The following POPDC2 variants were observed in gnomAD, a reference collection of about 807,000 sequenced individuals.
POPDC2 encodes popeye domain cAMP effector 2, also known as popeye domain-containing protein 2.
A neutral mutation model predicts 30.5 loss-of-function variants in POPDC2; 24 were observed. That is an observed-to-expected ratio of 0.79 (90% CI 0.57 to 1.11). The LOEUF (loss-of-function observed/expected upper bound fraction) is 1.11. Among genes scored for constraint, POPDC2 ranks in the 50% least tolerant of loss-of-function variants. POPDC2 has a pLI of 0.00. For missense variants in POPDC2, 409 were observed against 447.0 expected (o/e 0.91, Z 0.77); for synonymous variants, 185 against 183.3 (o/e 1.01, Z -0.07).
In POPDC2 at chr3:119,657,569, G is replaced by A. The variant is rs181489861; in HGVS notation, c.491+2364C>T. On this transcript the variant is annotated intron_variant, in intron 1 of 3. Transcript: ENST00000493094. ...CAAACTCACTTGTGTCACCATAAAA[G>A]GGGATCAAAACCTCACTGAAAAGCT... Among the ~76,000 whole-genome samples, 109 of 152,306 alleles carry A rather than the reference G, an allele frequency of 7.2e-4. 2 individuals carry two copies. The highest frequency in any genetic ancestry group is 7.0e-3 in the Admixed American group (107 of 15,298).
In POPDC2 at chr3:119,660,563, C is replaced by T. The variant is rs1430053828; in HGVS notation, c.-140G>A. 1.0e-6 allele frequency: 1 copy of T among 970,406 alleles called. No homozygotes were observed. The highest frequency in any genetic ancestry group is 1.5e-6 in the Non-Finnish European group (1 of 675,374). 60.1% of individuals were successfully genotyped at this position (970,406 alleles called of 1,614,324 possible). On this transcript the variant is annotated 5_prime_UTR_variant, in exon 1 of 4. Coordinates refer to ENST00000493094, the MANE Select transcript of POPDC2 (RefSeq NM_001369919.2). ...GACTCCACCTTTCCTAGAAGGAATG[C>T]TTCCGGTGGCTTTGGGAAGGAATGA...
Position 119,649,850 on chromosome 3 carries a change from C to T in POPDC2, c.601-1182G>A, listed in dbSNP as rs192200938. Among the ~76,000 whole-genome samples, 14 of 152,276 alleles carry T rather than the reference C, an allele frequency of 9.2e-5. No homozygotes were observed. The East Asian group carries it at 1.7e-3, about 19-fold the overall frequency. On this transcript the variant is annotated intron_variant, in intron 2 of 3. Coordinates refer to ENST00000493094, the MANE Select transcript of POPDC2 (RefSeq NM_001369919.2). Reference sequence around the variant, plus strand: ...TCCTTTCTGCTATACCCCTCCCCCACGTCCTTTATTCATTTCCTCCTCTCA... The same window carrying T: ...TCCTTTCTGCTATACCCCTCCCCCATGTCCTTTATTCATTTCCTCCTCTCA...
chr3:119,647,969 G>C (rs1163711770), intron 3 of POPDC2, 150 bp downstream of exon 3: 1 of 564,646 alleles, frequency 1.8e-6, no homozygotes, highest in African/African-American at 1.9e-5. Context: ...TGCACCCGGA[G>C]TGAGTTGCTA....
rs2052765187 is a variant in POPDC2 at position 119,648,115 on chromosome 3, TTACATAGGATCCTGAGCCGG to T, written c.*27_*43+3del. On this transcript the variant is annotated splice_donor_variant and splice_donor_region_variant and 3_prime_UTR_variant and intron_variant, in exon 3 of 4. Coordinates refer to ENST00000493094, the MANE Select transcript of POPDC2 (RefSeq NM_001369919.2). LOFTEE classifies it low-confidence loss of function (3UTR_SPLICE). ...TGTGCAGCGGCTGCCTTCTGAGTAC[TTACATAGGATCCTGAGCCGG>T]TGGCTGTGCCCATGTTAGTTCTCCC... The T allele has an allele frequency of 6.9e-7, 1 of 1,454,640 alleles. No individual in the cohort carries two copies. The allele number at this position is 1,454,640 out of a possible 1,614,324, so 90.1% of individuals were successfully genotyped here.
chr3:119,656,111 AT>A (rs921473762), intron 1 of POPDC2, among the ~76,000 whole-genome samples: 9 of 152,004 alleles, frequency 5.9e-5, no homozygotes, highest in African/African-American at 1.4e-4. Flanking sequence ...ACTAAAAAAA[AT>A]TTTTTTTTAT....
chr3:119,660,643 T>TCC, upstream of POPDC2: 1 of 290,462 alleles, frequency 3.4e-6, no homozygotes, highest in South Asian at 4.8e-5. Flanking sequence ...TCTCTCTCTC[T>TCC]CTCTCCCCCT....
chr3:119,651,172 A>G (rs1171011076), intron 2 of POPDC2, among the ~76,000 whole-genome samples: 12 of 151,986 alleles, frequency 7.9e-5, no homozygotes, highest in Admixed American at 7.9e-4. Context: ...CTTTCTGTGC[A>G]TCAAACACAC....
intron 2 of POPDC2, among the ~76,000 whole-genome samples, chr3:119,652,014 A>G (rs947623536): frequency 1.3e-5 from 2 of 152,088 alleles, no homozygotes; most frequent in Non-Finnish European, 2.9e-5. Context: ...TGGTTCTCCC[A>G]TATATATAGA....
intron 2 of POPDC2, among the ~76,000 whole-genome samples, chr3:119,649,131 A>G (rs2052782572): frequency 6.6e-6 from 1 of 152,188 alleles, no homozygotes; most frequent in Admixed American, 6.5e-5. Context: ...AAAGAGTTGG[A>G]AAGTTGAGTT....
Position 119,648,193 on chromosome 3 carries a change from T to C in POPDC2, c.1076A>G (p.Asp359Gly). The C allele has an allele frequency of 6.4e-7, 1 of 1,558,874 alleles. No individual in the cohort carries two copies. The highest frequency in any genetic ancestry group is 1.2e-5 in the South Asian group (1 of 84,882). The change falls in exon 3 of 4, where the codon GAT becomes GGT. Residue 359 changes from aspartate to glycine, a missense_variant. Transcript: ENST00000493094. ...EEVSGSESFM[D>G]YRSDGEYMR is the part of the protein sequence containing the mutation. ...CATGTACTCCCCATCACTCCTATAA[T>C]CCATAAACGATTCTGATCCTGACAC... is the stretch of plus-strand genomic sequence containing the variant.
At chr3:119,658,815 C>T (rs544616107) in intron 1 of POPDC2, among the ~76,000 whole-genome samples, 1 of 152,156 alleles carries the variant, frequency 6.6e-6, no homozygotes, top group South Asian at 2.1e-4. Flanking sequence ...TAAATGAATA[C>T]ACAAACACGT....
At position 119,660,286 on chromosome 3, in the gene POPDC2, C is replaced by T. The variant is rs934801479; in HGVS notation, c.138G>A (p.Gly46=). 5.0e-6 allele frequency: 8 copies of T among 1,614,030 alleles called. No homozygotes were observed. The African/African-American group carries it at 8.0e-5, about 16-fold the overall frequency. Reference sequence around the variant, plus strand: ...CAAAAAGATAGAAGCATCCATACACCCCACTGCCCCCCATGAAGCCCAGGA... The same window carrying T: ...CAAAAAGATAGAAGCATCCATACACTCCACTGCCCCCCATGAAGCCCAGGA... ...LLLLGFMGGS[G]VYGCFYLFGF... Residue 46 remains glycine, a synonymous_variant, in exon 1 of 4, where the codon GGG becomes GGA. Transcript: ENST00000493094.
At position 119,660,068 on chromosome 3, in the gene POPDC2, A is replaced by G; in HGVS notation, c.356T>C (p.Leu119Ser). 1 of 1,614,234 alleles carries G rather than the reference A, an allele frequency of 6.2e-7. No homozygotes were observed. Among genetic ancestry groups the G allele is most frequent in the Non-Finnish European group, 8.5e-7 (1 of 1,180,022 alleles). ...CTTGTATGTCTGTAGGGGCACCTGC[A>G]AGGGCAGGCACAGCGTCTTGTAGAG... The part of the protein sequence containing the change: ...DLLYKTLCLP[L>S]QVPLQTYKEI... Residue 119 changes from leucine (L) to serine (S), a missense_variant, in exon 1 of 4, where the codon TTG becomes TCG. Physicochemically the swap from Leu to Ser is moderately radical, Grantham distance 145 (BLOSUM62 -2). Coordinates refer to ENST00000493094, the MANE Select transcript of POPDC2 (RefSeq NM_001369919.2).
rs1323911512 is a variant in POPDC2 at position 119,660,283 on chromosome 3, C to T, written c.141G>A (p.Val47=). The T allele has an allele frequency of 3.1e-6, 5 of 1,614,206 alleles. No homozygotes were observed. The highest frequency in any genetic ancestry group is 3.4e-6 in the Non-Finnish European group (4 of 1,180,036). ...AGCCAAAAAGATAGAAGCATCCATA[C>T]ACCCCACTGCCCCCCATGAAGCCCA... ...LLLGFMGGSG[V]YGCFYLFGFL... Residue 47 remains valine, a synonymous_variant, in exon 1 of 4, where the codon GTG becomes GTA. Coordinates refer to ENST00000493094, the MANE Select transcript of POPDC2 (RefSeq NM_001369919.2).
At chr3:119,658,026 G>A (rs1264472399) in intron 1 of POPDC2, among the ~76,000 whole-genome samples, 1 of 152,206 alleles carries the variant, frequency 6.6e-6, no homozygotes, top group Non-Finnish European at 1.5e-5. Flanking sequence ...AGACTTCTGA[G>A]GTTTGAGTGA....
chr3:119,648,660 CAG>C lies in POPDC2; in HGVS notation c.607_608del (p.Leu203AspfsTer3). The C allele has an allele frequency of 6.2e-7, 1 of 1,612,334 alleles. No homozygotes were observed. Among genetic ancestry groups the C allele is most frequent in the Non-Finnish European group, 8.5e-7 (1 of 1,179,018 alleles). ...PSEEGVFQVT[L>X]TAETSCSYIS... ...TGTAGCTACATGAGGTCTCAGCAGT[CAG>C]AGTGACCTGAGAGGGGTCAGAAGCA... On this transcript the variant is annotated frameshift_variant, in exon 3 of 4. Transcript: ENST00000493094. LOFTEE classifies it high-confidence loss of function.
intron 2 of POPDC2, among the ~76,000 whole-genome samples, chr3:119,652,217 G>A (rs1464961734): frequency 6.6e-6 from 1 of 152,194 alleles, no homozygotes; most frequent in Non-Finnish European, 1.5e-5. Flanking sequence ...ACTAATGAGT[G>A]TCACAGTGCC....
chr3:119,648,735 ATCAT>A, intron 2 of POPDC2, 67 bp from the exon 3 acceptor site: 1 of 1,367,836 alleles, frequency 7.3e-7, no homozygotes, highest in Non-Finnish European at 1.0e-6. Context: ...GAGCACAGAG[ATCAT>A]TCAGTCACTT....
At position 119,642,491 on chromosome 3, in the gene POPDC2, G is replaced by C; in HGVS notation, c.*114C>G. 1 of 1,610,884 alleles carries C rather than the reference G, an allele frequency of 6.2e-7. No individual in the cohort carries two copies. The highest frequency in any genetic ancestry group is 8.5e-7 in the Non-Finnish European group (1 of 1,177,038). On this transcript the variant is annotated 3_prime_UTR_variant, in exon 4 of 4. Coordinates refer to ENST00000493094, the MANE Select transcript of POPDC2 (RefSeq NM_001369919.2). Reference sequence around the variant, plus strand: ...CCAATGATCCTTAAAGTTCAGGCGTGTGGGTTGGAGCCAAAGGGGCCTGTC... The same window carrying C: ...CCAATGATCCTTAAAGTTCAGGCGTCTGGGTTGGAGCCAAAGGGGCCTGTC...
Sources: gnomAD v4.1 joint callset for allele counts (sites outside exome capture counted in the v4.1 genomes callset) on GRCh38, gnomAD v4.1.1 for gene constraint, MANE v1.5 for transcripts, NCBI Gene and HGNC (gene_info 2026-07-23, HGNC 2026-07-21) for gene names.